DNHD1: variants seen among roughly 807,000 people sequenced by gnomAD.
DNHD1 encodes the protein dynein heavy chain domain-containing protein 1.
DNHD1 carries 383 observed loss-of-function variants against 458.1 expected under a neutral mutation model. The observed-to-expected ratio is 0.84, with a 90% CI of 0.77 to 0.91. The LOEUF (loss-of-function observed/expected upper bound fraction) is 0.91. DNHD1 is among the 40% of genes least tolerant of loss of function. DNHD1 has a pLI of 0.00. For missense variants in DNHD1, 5,336 were observed against 5,866.1 expected, an observed-to-expected ratio of 0.91 and a Z score of 2.95; for synonymous variants, 2,203 against 2,376.9, an observed-to-expected ratio of 0.93 and a Z score of 2.13.
chr11:6,565,826 C>G lies in DNHD1; in HGVS notation c.10888C>G (p.Gln3630Glu). Residue 3630 changes from glutamine to glutamate, a missense_variant, in exon 33 of 43, where the codon CAG (glutamine) becomes GAG (glutamate). This residue lies in a region of DNHD1 where 695 missense variants were observed against 804.2 expected (regional missense o/e 0.86). Coordinates refer to ENST00000254579, the MANE Select transcript of DNHD1 (RefSeq NM_144666.3). ...GAAGGCAGAGGAAAGAAAAAATGAG[C>G]AGGAGAAAGAGCAAGAGGAAAATGA... is the stretch of plus-strand genomic sequence containing the variant. ...EQKAEERKNE[Q>E]EKEQEENEEK... 1 of 1,551,580 alleles carries G rather than the reference C, an allele frequency of 6.4e-7. No individual in the cohort carries two copies. Among genetic ancestry groups the G allele is most frequent in the South Asian group, 1.2e-5 (1 of 84,038 alleles).
chr11:6,542,811 A>G (rs536242770), intron 18 of DNHD1, among the ~76,000 whole-genome samples: 1 of 152,338 alleles, frequency 6.6e-6, no homozygotes, highest in South Asian at 2.1e-4. Flanking sequence ...ATGAAAATGA[A>G]AGTATACTAT....
At chr11:6,543,420 G>T (rs975865518) in intron 18 of DNHD1, among the ~76,000 whole-genome samples, 1 of 152,132 alleles carries the variant, frequency 6.6e-6, no homozygotes, top group African/African-American at 2.4e-5. Flanking sequence ...AGACAGAATG[G>T]GCATTCTTGC....
Position 6,497,858 on chromosome 11 carries a change from G to C in DNHD1, c.-358G>C, listed in dbSNP as rs995091275. 1 of 247,404 alleles carries C rather than the reference G, an allele frequency of 4.0e-6. No individual in the cohort carries two copies. The highest frequency in any genetic ancestry group is 7.9e-6 in the Non-Finnish European group (1 of 127,172). The allele number at this position is 247,404 out of a possible 1,614,324, so 15.3% of individuals were successfully genotyped here. A position where few individuals can be genotyped will look rare whatever the true frequency, so the allele number is the denominator to read the frequency against. On this transcript the variant is annotated 5_prime_UTR_variant, in exon 3 of 43. Transcript: ENST00000254579. Reference sequence around the variant, plus strand: ...CCCCTAGGCCAGGTGAGGGGGACAGGGTACTGGGAGGTAAGAAGGAACTCT... The same window carrying C: ...CCCCTAGGCCAGGTGAGGGGGACAGCGTACTGGGAGGTAAGAAGGAACTCT...
At position 6,567,281 on chromosome 11, in the gene DNHD1, T is replaced by C; in HGVS notation, c.11772T>C (p.Thr3924=). ...GCCAGCTGCTGGGCAGCACCGTGAC[T>C]GCACTGGGCCTTACCCAAGTACCCT... ...LTRQLLGSTV[T]ALGLTQVPLV... is the part of the protein sequence containing the mutation. Residue 3924 remains threonine (T), a synonymous_variant, in exon 36 of 43, where the codon ACT becomes ACC. Coordinates refer to ENST00000254579, the MANE Select transcript of DNHD1 (RefSeq NM_144666.3). The C allele has an allele frequency of 1.9e-6, 3 of 1,614,060 alleles. No individual in the cohort carries two copies. Among genetic ancestry groups the C allele is most frequent in the Non-Finnish European group, 2.5e-6 (3 of 1,179,910 alleles).
intron 33 of DNHD1, 81 bp downstream of exon 33, chr11:6,566,072 C>A: frequency 6.7e-7 from 1 of 1,492,236 alleles, no homozygotes; most frequent in South Asian, 1.3e-5. Context: ...ACACCTCAGT[C>A]TAACTTCAGT....
In DNHD1 at chr11:6,498,861, A is replaced by G; in HGVS notation, c.646A>G (p.Ser216Gly). The G allele has an allele frequency of 1.2e-6, 2 of 1,614,258 alleles. No individual in the cohort carries two copies. Among genetic ancestry groups the G allele is most frequent in the Non-Finnish European group, 1.7e-6 (2 of 1,180,048 alleles). ...AGAGGCTGTGTGGCTGGATGGACTT[A>G]GTCTCCTTCCCTTGGCACTGGCAGC... Reference protein sequence around the residue: ...LEEAVWLDGLSLLPLALAADI... With the variant: ...LEEAVWLDGLGLLPLALAADI... The change falls in exon 3 of 43, where the codon AGT (serine) becomes GGT (glycine). Residue 216 changes from serine to glycine, a missense_variant. By Grantham distance (56) the Ser-to-Gly change is moderately conservative. Coordinates refer to ENST00000254579, the MANE Select transcript of DNHD1 (RefSeq NM_144666.3).
rs150283566 is a variant in DNHD1, at chr11:6,502,904, G to A, written c.898G>A (p.Val300Met). Residue 300 changes from valine (V) to methionine (M), a missense_variant, in exon 4 of 43, where the codon GTG (valine) becomes ATG (methionine). By Grantham distance (21) the Val-to-Met change is conservative. Around this residue, in one of 4 missense-constraint regions of DNHD1, gnomAD observed 3,932 missense variants for 4,365.6 expected, o/e 0.90. Transcript: ENST00000254579. ...GAAGATCCACTTCCTCTATCTCAAT[G>A]TGGCTCCCAGCCGGTACTTTAGGTG... ...LKKIHFLYLN[V>M]APSRYFRPYS... is the part of the protein sequence containing the mutation. 4.8e-3 allele frequency: 7,777 copies of A among 1,613,638 alleles called. 23 individuals carry two copies. The highest frequency in any genetic ancestry group is 5.9e-3 in the Non-Finnish European group (6,910 of 1,179,788).
At position 6,547,087 on chromosome 11, in the gene DNHD1, T is replaced by C; in HGVS notation, c.6148T>C (p.Trp2050Arg). The C allele has an allele frequency of 6.4e-7, 1 of 1,551,750 alleles. No individual in the cohort carries two copies. The highest frequency in any genetic ancestry group is 8.7e-7 in the Non-Finnish European group (1 of 1,147,006). The change falls in exon 21 of 43, where the codon TGG (tryptophan) becomes CGG (arginine). Residue 2050 changes from tryptophan (W) to arginine (R), a missense_variant. Coordinates refer to ENST00000254579, the MANE Select transcript of DNHD1 (RefSeq NM_144666.3). Reference protein sequence around the residue: ...EFLGWLEGSCWHHGIFPKVLR... With the variant: ...EFLGWLEGSCRHHGIFPKVLR... ...CCTGGGATGGCTAGAGGGCTCCTGC[T>C]GGCATCATGGCATCTTTCCCAAGGT...
Position 6,546,038 on chromosome 11 carries a change from T to C in DNHD1, c.5099T>C (p.Leu1700Pro). 6.4e-7 allele frequency: 1 copy of C among 1,551,462 alleles called. No individual in the cohort carries two copies. Among genetic ancestry groups the C allele is most frequent in the Non-Finnish European group, 8.7e-7 (1 of 1,146,756 alleles). The change falls in exon 21 of 43, where the codon CTG (leucine) becomes CCG (proline). Residue 1700 changes from leucine (L) to proline (P), a missense_variant. Physicochemically the swap from Leu to Pro is moderately conservative, Grantham distance 98. This residue lies in a region of DNHD1 where 3,932 missense variants were observed against 4,365.6 expected (regional missense o/e 0.90). Transcript: ENST00000254579. Reference protein sequence around the residue: ...GVGKRAIVNSLAQALGRQLVM... With the variant: ...GVGKRAIVNSPAQALGRQLVM... Reference sequence around the variant, plus strand: ...GGCAAGAGAGCTATAGTGAACAGCCTGGCACAGGCCCTGGGCCGCCAGCTG... The same window carrying C: ...GGCAAGAGAGCTATAGTGAACAGCCCGGCACAGGCCCTGGGCCGCCAGCTG...
Position 6,570,784 on chromosome 11 carries a change from GGT to G in DNHD1, c.13273_13274del (p.Val4425SerfsTer2). 6.2e-7 allele frequency: 1 copy of G among 1,613,500 alleles called. No homozygotes were observed. The highest frequency in any genetic ancestry group is 1.1e-5 in the South Asian group (1 of 91,032). On this transcript the variant is annotated frameshift_variant, in exon 42 of 43. Coordinates refer to ENST00000254579, the MANE Select transcript of DNHD1 (RefSeq NM_144666.3). LOFTEE classifies it high-confidence loss of function. Reference protein sequence around the residue: ...SALQRSSPVWVPESRRGAQLA... With the variant: ...SALQRSSPVWXPESRRGAQLA... ...CGCTGCAGCGGAGTTCACCCGTGTG[GGT>G]TCCTGAGTCTCGAAGAGGCGCCCAG...
At position 6,570,827 on chromosome 11, in the gene DNHD1, C is replaced by G. The variant is rs759539489; in HGVS notation, c.13315C>G (p.Leu4439Val). 9.9e-6 allele frequency: 16 copies of G among 1,614,038 alleles called. No homozygotes were observed. The South Asian group carries it at 1.8e-4, about 18-fold the overall frequency. ...AGGCGCCCAGCTTGCGGAAAGGCGA[C>G]TGCGGCAACGCCTAGTGCAAGTCAA... ...RRGAQLAERRLRQRLVQVNRR... is the reference protein window; with the variant it reads ...RRGAQLAERRVRQRLVQVNRR... Residue 4439 changes from leucine to valine, a missense_variant, in exon 42 of 43, where the codon CTG (leucine) becomes GTG (valine). Physicochemically the swap from Leu to Val is conservative, Grantham distance 32. Around this residue, in one of 4 missense-constraint regions of DNHD1, gnomAD observed 698 missense variants for 664.9 expected, o/e 1.05. Coordinates refer to ENST00000254579, the MANE Select transcript of DNHD1 (RefSeq NM_144666.3).
rs145187870 is a variant in DNHD1 at position 6,547,555 on chromosome 11, G to C, written c.6616G>C (p.Gly2206Arg). Reference protein sequence around the residue: ...QGVSSLLQVHGQQAVCAGVAE... With the variant: ...QGVSSLLQVHRQQAVCAGVAE... ...TGTCAGCTCTCTGCTGCAGGTACAC[G>C]GGCAGCAGGCTGTTTGTGCAGGTGT... The change falls in exon 21 of 43, where the codon GGG (glycine) becomes CGG (arginine). Residue 2206 changes from glycine (G) to arginine (R), a missense_variant. Physicochemically the swap from Gly to Arg is moderately radical, Grantham distance 125. Coordinates refer to ENST00000254579, the MANE Select transcript of DNHD1 (RefSeq NM_144666.3). 1 of 1,550,968 alleles carries C rather than the reference G, an allele frequency of 6.4e-7. No homozygotes were observed. The highest frequency in any genetic ancestry group is 8.7e-7 in the Non-Finnish European group (1 of 1,146,384).
chr11:6,501,515 G>A (rs1366133606), intron 3 of DNHD1, among the ~76,000 whole-genome samples: 2 of 152,012 alleles, frequency 1.3e-5, no homozygotes, highest in Admixed American at 6.6e-5. Flanking sequence ...CTCTGAAATC[G>A]GGGGACAGAT....
intron 14 of DNHD1, among the ~76,000 whole-genome samples, chr11:6,537,037 C>T (rs932633080): frequency 7.9e-5 from 12 of 152,172 alleles, no homozygotes; most frequent in Non-Finnish European, 1.5e-4. Flanking sequence ...ATGCATGAGG[C>T]CCAGCATTTG....
At chr11:6,512,421 A>AC (rs1852362162) in intron 7 of DNHD1, among the ~76,000 whole-genome samples, 1 of 151,104 alleles carries the variant, frequency 6.6e-6, no homozygotes, top group East Asian at 1.9e-4. Flanking sequence ...ATGGGGTTTC[A>AC]CTGTGTTAGC....
At chr11:6,500,642 G>A (rs1330195052) in intron 3 of DNHD1, among the ~76,000 whole-genome samples, 1 of 152,150 alleles carries the variant, frequency 6.6e-6, no homozygotes, top group East Asian at 1.9e-4. Context: ...CAAGTTCTTT[G>A]CCCTCCCTTT....
chr11:6,536,696 T>G (rs1326193043), intron 14 of DNHD1, among the ~76,000 whole-genome samples: 1 of 152,218 alleles, frequency 6.6e-6, no homozygotes, highest in Non-Finnish European at 1.5e-5. Context: ...TTAAAATGCA[T>G]GGAAATTATC....
chr11:6,532,402 C>T (rs1056548061), intron 12 of DNHD1, among the ~76,000 whole-genome samples: 4 of 152,186 alleles, frequency 2.6e-5, no homozygotes, highest in African/African-American at 9.7e-5. Context: ...TACTTTCTAG[C>T]CCCTTATCCA....
At chr11:6,539,467 G>C (rs942108683) in intron 17 of DNHD1, among the ~76,000 whole-genome samples, 154 bp downstream of exon 17, 1 of 152,252 alleles carries the variant, frequency 6.6e-6, no homozygotes, top group East Asian at 1.9e-4. Flanking sequence ...TAAGTCTCCA[G>C]ATGGGGATCT....
Sources: gnomAD v4.1 joint callset for allele counts (sites outside exome capture counted in the v4.1 genomes callset) on GRCh38, gnomAD v4.1.1 for gene constraint, gnomAD v4.1.1 regional missense constraint, MANE v1.5 for transcripts, NCBI Gene and HGNC (gene_info 2026-07-23, HGNC 2026-07-21) for gene names.